LINGO3: variants seen among roughly 807,000 people sequenced by gnomAD.
The protein encoded by LINGO3 is leucine-rich repeat and immunoglobulin-like domain-containing nogo receptor-interacting protein 3.
For synonymous variants in LINGO3, 427 were observed against 444.2 expected, an observed-to-expected ratio of 0.96 and a Z score of 0.49; for missense variants, 750 against 867.7, an observed-to-expected ratio of 0.86 and a Z score of 1.70.
At chr19:2,301,259 GTTTT>G in the LINGO3 span, among the ~76,000 whole-genome samples, 17 of 147,276 alleles carry the variant, frequency 1.2e-4, no homozygotes, top group Admixed American at 4.1e-4. Flanking sequence ...CAGATTTAGT[GTTTT>G]TTTTTTTAAT....
At position 2,290,990 on chromosome 19, in the gene LINGO3, C is replaced by CCGGCACGGCGGT; in HGVS notation, c.775_786dup (p.Thr259_Pro262dup). The CCGGCACGGCGGT allele has an allele frequency of 1.1e-5, 18 of 1,611,682 alleles. No homozygotes were observed. Among genetic ancestry groups the CCGGCACGGCGGT allele is most frequent in the Non-Finnish European group, 1.5e-5 (18 of 1,179,490 alleles). Reference sequence around the variant, plus strand: ...TGCGCCTGGTGCCGCAGCGCGGCGGCCGGCACGGCGGTGATGTTGGTGTGG... The same window carrying CCGGCACGGCGGT: ...TGCGCCTGGTGCCGCAGCGCGGCGGCCGGCACGGCGGTCGGCACGGCGGTGATGTTGGTGTGG... On this transcript the variant is annotated inframe_insertion, in exon 1 of 1. Transcript: ENST00000585527. The surrounding 1 kb of genome is among the most constrained non-coding windows in gnomAD (Gnocchi z 6.0).
At chr19:2,305,406 G>A in the LINGO3 span, among the ~76,000 whole-genome samples, 1 of 152,236 alleles carries the variant, frequency 6.6e-6, no homozygotes, top group African/African-American at 2.4e-5. Flanking sequence ...AAGGCAGAGT[G>A]TGGCTGTGAG....
At chr19:2,296,838 C>T (rs62119707), upstream of LINGO3, among the ~76,000 whole-genome samples, 125,252 of 150,494 alleles carry the variant, frequency 0.83, 52,214 homozygotes, top group East Asian at 0.88. Flanking sequence ...CCTGTAATCC[C>T]AGCACTTTGG....
the LINGO3 span, among the ~76,000 whole-genome samples, chr19:2,304,074 C>T: frequency 1.2e-4 from 19 of 152,336 alleles, no homozygotes; most frequent in East Asian, 3.5e-3. Context: ...GGTCAGGAGC[C>T]CAGAGTCCTA....
chr19:2,294,630 A>G (rs2025557199), upstream of LINGO3, among the ~76,000 whole-genome samples: 1 of 149,650 alleles, frequency 6.7e-6, no homozygotes, highest in African/African-American at 2.5e-5. The surrounding 1 kb of genome is among the most constrained non-coding windows in gnomAD (Gnocchi z 4.3). Context: ...CTGGGTTAGG[A>G]GGGGCCTCTG....
chr19:2,302,977 C>T, the LINGO3 span, among the ~76,000 whole-genome samples: 969 of 152,390 alleles, frequency 6.4e-3, no homozygotes, highest in Non-Finnish European at 0.012. Flanking sequence ...CAGACGCCCG[C>T]AGCACCACAG....
upstream of LINGO3, among the ~76,000 whole-genome samples, chr19:2,296,777 G>A (rs1379646119): frequency 6.6e-6 from 1 of 151,142 alleles, no homozygotes. Flanking sequence ...GTGCCCAGCT[G>A]CAAGACCCTG....
chr19:2,294,147 A>C (rs1211897558), upstream of LINGO3, among the ~76,000 whole-genome samples: 1 of 152,236 alleles, frequency 6.6e-6, no homozygotes, highest in Non-Finnish European at 1.5e-5. This position sits in a 1 kb window ranked among gnomAD's most constrained non-coding sequence, Gnocchi z 4.3. Context: ...GCTCAGGGCT[A>C]GATGAGACTG....
the LINGO3 span, among the ~76,000 whole-genome samples, chr19:2,298,068 T>C: frequency 6.6e-6 from 1 of 151,866 alleles, no homozygotes; most frequent in African/African-American, 2.4e-5. Context: ...TTTGTATTTT[T>C]AGTAGAGATG....
chr19:2,292,865 G>C (rs1051512742), upstream of LINGO3, among the ~76,000 whole-genome samples: 11 of 152,104 alleles, frequency 7.2e-5, no homozygotes, highest in African/African-American at 2.7e-4. Context: ...AGCCGCATCT[G>C]TAACAGCCAA....
chr19:2,287,775 G>A (rs2025480341), downstream of LINGO3, among the ~76,000 whole-genome samples: 1 of 152,176 alleles, frequency 6.6e-6, no homozygotes, highest in South Asian at 2.1e-4. This position sits in a 1 kb window ranked among gnomAD's most constrained non-coding sequence, Gnocchi z 4.5. Flanking sequence ...TTACAGATGA[G>A]GACACTGATG....
chr19:2,307,446 C>A, the LINGO3 span, among the ~76,000 whole-genome samples: 1 of 152,200 alleles, frequency 6.6e-6, no homozygotes. Flanking sequence ...CCTCCCCTGG[C>A]CAGGCCCCAG....
At chr19:2,298,223 A>AATTT in the LINGO3 span, among the ~76,000 whole-genome samples, 3,279 of 151,570 alleles carry the variant, frequency 0.022, 55 homozygotes, top group African/African-American at 0.031. Flanking sequence ...TTTAAGTTGG[A>AATTT]ATTTATTTAT....
At chr19:2,306,737 T>A in the LINGO3 span, among the ~76,000 whole-genome samples, 2 of 151,936 alleles carry the variant, frequency 1.3e-5, no homozygotes, top group African/African-American at 4.8e-5. Context: ...GAAGGCTGAG[T>A]TGAACCCTCC....
chr19:2,293,530 T>G (rs990448985), upstream of LINGO3, among the ~76,000 whole-genome samples: 7 of 151,670 alleles, frequency 4.6e-5, no homozygotes, highest in Non-Finnish European at 8.8e-5. Context: ...CAGCTAATTT[T>G]TGTAGTTTTA....
At chr19:2,292,042 G>C (rs1285383545), upstream of LINGO3, 2 of 452,620 alleles carry the variant, frequency 4.4e-6, no homozygotes, top group Admixed American at 2.7e-5. Flanking sequence ...TAAAAGATGA[G>C]CCGCATGTGG....
the LINGO3 span, among the ~76,000 whole-genome samples, chr19:2,299,344 T>C: frequency 6.6e-6 from 1 of 152,206 alleles, no homozygotes; most frequent in Non-Finnish European, 1.5e-5. Flanking sequence ...GGAGACTCGA[T>C]TCTGTGTACA....
chr19:2,297,047 A>G, the LINGO3 span, among the ~76,000 whole-genome samples: 449 of 151,360 alleles, frequency 3.0e-3, 3 homozygotes, highest in Middle Eastern at 0.01. Context: ...AGCTGAGATC[A>G]CGCCACTGCA....
At position 2,290,909 on chromosome 19, in the gene LINGO3, A is replaced by G. The variant is rs1170725447; in HGVS notation, c.868T>C (p.Phe290Leu). ...TCGCGCAGGCGGACCAGGTCCCGGA[A>G]CGACCCCCGCGGCACCGTGCTGATG... The change falls in exon 1 of 1, where the codon TTC becomes CTC. Residue 290 changes from phenylalanine (F) to leucine (L), a missense_variant. Coordinates refer to ENST00000585527, the Ensembl canonical transcript of LINGO3. This position sits in a 1 kb window ranked among gnomAD's most constrained non-coding sequence, Gnocchi z 6.0. The G allele has an allele frequency of 6.2e-7, 1 of 1,611,234 alleles. No individual in the cohort carries two copies. The highest frequency in any genetic ancestry group is 8.5e-7 in the Non-Finnish European group (1 of 1,179,228).
Sources: allele counts gnomAD v4.1 joint callset (sites outside exome capture counted in the v4.1 genomes callset), GRCh38; gene constraint gnomAD v4.1.1; non-coding constraint Gnocchi (gnomAD v3.1); transcripts MANE v1.5; gene names NCBI Gene and HGNC (gene_info 2026-07-23, HGNC 2026-07-21).